Variants in OBI1 observed in about 807,000 individuals in gnomAD.
OBI1 encodes the protein ORC ubiquitin ligase 1.
OBI1 carries 59 observed loss-of-function variants against 62.4 expected under a neutral mutation model. The ratio of observed to expected loss-of-function variants is 0.95; its 90% CI spans 0.77 to 1.17. The LOEUF (loss-of-function observed/expected upper bound fraction) is 1.17, where lower values mean the gene tolerates loss of function less well. Among genes scored for constraint, OBI1 ranks in the 50% most tolerant of loss-of-function variants. OBI1 has a pLI of 0.00. For missense variants in OBI1, 875 were observed against 830.9 expected (o/e 1.05, Z -0.65); for synonymous variants, 302 against 292.8 (o/e 1.03, Z -0.32).
At chr13:78,622,998 A>G (rs1015513494) in intron 5 of OBI1, among the ~76,000 whole-genome samples, 3 of 152,072 alleles carry the variant, frequency 2.0e-5, no homozygotes, top group Non-Finnish European at 4.4e-5. Context: ...CCATCCTTGT[A>G]TATGTGTTGG....
intron 5 of OBI1, among the ~76,000 whole-genome samples, chr13:78,626,658 T>C (rs1178300416): frequency 1.3e-5 from 2 of 152,078 alleles, no homozygotes; most frequent in East Asian, 3.9e-4. Context: ...GTATGATGAA[T>C]GTGGGCCCAA....
At chr13:78,620,604 T>C (rs571153032) in intron 5 of OBI1, 244 of 438,576 alleles carry the variant, frequency 5.6e-4, no homozygotes, top group Non-Finnish European at 8.4e-4. Flanking sequence ...AACTGATACA[T>C]ACATTCTGGA....
At chr13:78,651,854 G>A (rs957068207) in intron 1 of OBI1, among the ~76,000 whole-genome samples, 11 of 152,170 alleles carry the variant, frequency 7.2e-5, no homozygotes, top group African/African-American at 2.4e-4. Context: ...TCTAACAACT[G>A]CAAGATTAAT....
At chr13:78,638,150 T>C (rs1876084265) in intron 4 of OBI1, among the ~76,000 whole-genome samples, 1 of 152,186 alleles carries the variant, frequency 6.6e-6, no homozygotes, top group African/African-American at 2.4e-5. Flanking sequence ...GATGGTGTTG[T>C]AGGAGTTGCC....
chr13:78,620,673 AT>A (rs1875480676), intron 5 of OBI1: 2 of 456,476 alleles, frequency 4.4e-6, no homozygotes, highest in South Asian at 3.1e-5. Flanking sequence ...ATACAAGATC[AT>A]TTCTGTCCCT....
At chr13:78,651,115 AT>A (rs752619747) in intron 1 of OBI1, among the ~76,000 whole-genome samples, 2 of 152,202 alleles carry the variant, frequency 1.3e-5, no homozygotes, top group African/African-American at 2.4e-5. Flanking sequence ...TTGAAAAAAA[AT>A]GTACATCTCA....
At chr13:78,632,114 A>C (rs1278304643) in intron 5 of OBI1, among the ~76,000 whole-genome samples, 1 of 152,006 alleles carries the variant, frequency 6.6e-6, no homozygotes, top group Non-Finnish European at 1.5e-5. Flanking sequence ...CTGACCTCTA[A>C]TGTGTCTGTA....
intron 5 of OBI1, among the ~76,000 whole-genome samples, chr13:78,633,283 T>C (rs1001242236): frequency 6.6e-6 from 1 of 152,200 alleles, no homozygotes; most frequent in South Asian, 2.1e-4. Flanking sequence ...AAAACGGGGT[T>C]GGAGAGCACA....
intron 1 of OBI1, among the ~76,000 whole-genome samples, chr13:78,650,526 GA>G (rs1876515405): frequency 6.6e-6 from 1 of 152,062 alleles, no homozygotes; most frequent in African/African-American, 2.4e-5. Context: ...TCTGTAACTG[GA>G]GTCAGTAAGT....
chr13:78,628,526 A>C (rs1417440661), intron 5 of OBI1, among the ~76,000 whole-genome samples: 1 of 152,262 alleles, frequency 6.6e-6, no homozygotes. Context: ...TAAACACAGC[A>C]TGTTTTAGAA....
intron 5 of OBI1, among the ~76,000 whole-genome samples, chr13:78,618,980 C>T (rs1448093717): frequency 6.6e-6 from 1 of 152,116 alleles, no homozygotes; most frequent in African/African-American, 2.4e-5. Flanking sequence ...AAATAACCCA[C>T]ATTTTTAAAT....
chr13:78,658,955 C>T, intron 1 of OBI1, 94 bp downstream of exon 1: 1 of 1,131,968 alleles, frequency 8.8e-7, no homozygotes, highest in Non-Finnish European at 1.3e-6. Context: ...CCGCGCCTCA[C>T]GCCCCTTCCC....
At chr13:78,649,072 G>A (rs1028170954) in intron 1 of OBI1, among the ~76,000 whole-genome samples, 2 of 152,154 alleles carry the variant, frequency 1.3e-5, no homozygotes, top group African/African-American at 4.8e-5. Flanking sequence ...TTCGCACAAG[G>A]TAAAAATCAA....
rs544356716 is a variant in OBI1 at position 78,631,912 on chromosome 13, A to C, written c.638+3198T>G. On this transcript the variant is annotated intron_variant, in intron 5 of 5. Coordinates refer to ENST00000282003, the MANE Select transcript of OBI1 (RefSeq NM_024546.4). ...TATGGTATTGTTTTTAAAAGATTGT[A>C]TGTAAAATATATTCGTTTTTATACA... 6.8e-4 allele frequency among the ~76,000 whole-genome samples: 103 copies of C among 152,298 alleles called. 1 individual carries two copies. Among genetic ancestry groups the C allele is most frequent in the Non-Finnish European group, 8.7e-4 (59 of 68,034 alleles).
intron 1 of OBI1, among the ~76,000 whole-genome samples, chr13:78,654,957 T>C (rs1876656404): frequency 6.6e-6 from 1 of 152,224 alleles, no homozygotes. Flanking sequence ...AATACTCTGG[T>C]TTATTGTTTA....
chr13:78,629,308 T>C (rs761630755), intron 5 of OBI1, among the ~76,000 whole-genome samples: 6 of 152,088 alleles, frequency 3.9e-5, no homozygotes, highest in Non-Finnish European at 7.4e-5. Flanking sequence ...CCTGCATACA[T>C]ATTTATAGAA....
chr13:78,640,153 C>T (rs2137454902), intron 3 of OBI1, among the ~76,000 whole-genome samples: 1 of 151,390 alleles, frequency 6.6e-6, no homozygotes, highest in Admixed American at 6.6e-5. Flanking sequence ...AACTGCTTTA[C>T]TGAGGGGAAT....
rs1875253864 is a variant in OBI1, at chr13:78,615,814, C to T, written c.1947G>A (p.Glu649=). ...TGCTTAACAAAATGCCCTGGGAAAA[C>T]TCTGTCTGAAACAAGCAGCTTGGGG... ...IKPPSCLFQT[E]FSQGILLSSS... Residue 649 remains glutamate, a synonymous_variant, in exon 6 of 6, where the codon GAG becomes GAA. Coordinates refer to ENST00000282003, the MANE Select transcript of OBI1 (RefSeq NM_024546.4). The T allele has an allele frequency of 1.2e-6, 2 of 1,613,692 alleles. No individual in the cohort carries two copies. Among genetic ancestry groups the T allele is most frequent in the Non-Finnish European group, 1.7e-6 (2 of 1,179,916 alleles).
At chr13:78,624,882 C>T (rs1390260334) in intron 5 of OBI1, among the ~76,000 whole-genome samples, 1 of 152,210 alleles carries the variant, frequency 6.6e-6, no homozygotes, top group Non-Finnish European at 1.5e-5. Flanking sequence ...ACTAGTTAGC[C>T]TCCATTTCCA....
Sources: gnomAD v4.1 joint callset for allele counts (sites outside exome capture counted in the v4.1 genomes callset) on GRCh38, gnomAD v4.1.1 for gene constraint, MANE v1.5 for transcripts, NCBI Gene and HGNC (gene_info 2026-07-23, HGNC 2026-07-21) for gene names.